Variants in RAB23 observed in about 807,000 individuals in gnomAD.
The protein encoded by RAB23 is RAB23, member RAS oncogene family.
In RAB23, 15 loss-of-function variants were observed where a neutral mutation model predicts 30.0. That is an observed-to-expected ratio of 0.50 (90% confidence interval 0.33 to 0.77). The LOEUF is 0.77. Among genes scored for constraint, RAB23 ranks in the 30% least tolerant of loss-of-function variants. RAB23 has a pLI of 0.02. For synonymous variants in RAB23, 93 were observed against 94.0 expected, an observed-to-expected ratio of 0.99 and a Z score of 0.06; for missense variants, 243 against 275.4, an observed-to-expected ratio of 0.88 and a Z score of 0.83.
At chr6:57,201,447 GAGA>G (rs78549202) in intron 3 of RAB23, among the ~76,000 whole-genome samples, 58,146 of 151,736 alleles carry the variant, frequency 0.38, 12,688 homozygotes, top group Non-Finnish European at 0.5. Flanking sequence ...TTTCTGAAGA[GAGA>G]AGGATACCAA....
At chr6:57,206,695 G>A (rs1375779844) in intron 3 of RAB23, among the ~76,000 whole-genome samples, 1 of 152,174 alleles carries the variant, frequency 6.6e-6, no homozygotes, top group Admixed American at 6.5e-5. Context: ...CAGCCTTTAA[G>A]TCTTGAGGAA....
intron 1 of RAB23, among the ~76,000 whole-genome samples, chr6:57,212,676 G>T (rs1765697356): frequency 6.7e-6 from 1 of 148,986 alleles, no homozygotes; most frequent in Non-Finnish European, 1.5e-5. Flanking sequence ...GAGGCCAGGG[G>T]TTCAAGACCA....
intron 1 of RAB23, among the ~76,000 whole-genome samples, chr6:57,211,734 T>C (rs532605312): frequency 4.7e-4 from 72 of 152,364 alleles, no homozygotes; most frequent in African/African-American, 1.7e-3. Context: ...TAAACCTTTA[T>C]AGTTACACAT....
At chr6:57,202,042 G>T (rs537669027) in intron 3 of RAB23, among the ~76,000 whole-genome samples, 4 of 152,120 alleles carry the variant, frequency 2.6e-5, no homozygotes, top group Non-Finnish European at 5.9e-5. Context: ...TCTTTTAAAT[G>T]AATTATAATA....
At chr6:57,192,165 T>C (rs1025858393) in intron 6 of RAB23, among the ~76,000 whole-genome samples, 5 of 152,196 alleles carry the variant, frequency 3.3e-5, no homozygotes, top group Non-Finnish European at 7.3e-5. Context: ...TCTGTGTTAA[T>C]ACTAGTAAGA....
rs948299839 is a variant in RAB23 at position 57,188,209 on chromosome 6, A to T, written c.*2252T>A. The T allele has an allele frequency of 3.9e-5, 6 of 152,200 alleles. No individual in the cohort carries two copies. The highest frequency in any genetic ancestry group is 1.4e-4 in the African/African-American group (6 of 41,464). 9.4% of individuals were successfully genotyped at this position (152,200 alleles called of 1,614,324 possible). ...TTGGAAAAAAAATGTCAATTTTTGA[A>T]GGCTTTAAGAATTGATTAAATTGAG... On this transcript the variant is annotated 3_prime_UTR_variant, in exon 7 of 7. Coordinates refer to ENST00000468148, the MANE Select transcript of RAB23 (RefSeq NM_016277.5).
chr6:57,221,439 C>G (rs1766056145), intron 1 of RAB23: 1 of 152,368 alleles, frequency 6.6e-6, no homozygotes, highest in South Asian at 2.1e-4. Flanking sequence ...CATTCATATT[C>G]CAGCACTCTA....
At chr6:57,219,044 C>T (rs1765954684) in intron 1 of RAB23, among the ~76,000 whole-genome samples, 1 of 152,110 alleles carries the variant, frequency 6.6e-6, no homozygotes. Context: ...TTAAAACTTT[C>T]TCTATTCACA....
At chr6:57,218,546 T>G (rs1477192150) in intron 1 of RAB23, among the ~76,000 whole-genome samples, 2 of 152,126 alleles carry the variant, frequency 1.3e-5, no homozygotes, top group African/African-American at 2.4e-5. Flanking sequence ...TGGGACTTCT[T>G]CAACCTGGTA....
At chr6:57,208,307 A>G (rs761382369) in intron 2 of RAB23, among the ~76,000 whole-genome samples, 5 of 151,950 alleles carry the variant, frequency 3.3e-5, no homozygotes, top group Non-Finnish European at 7.4e-5. Flanking sequence ...ACATCTTTCT[A>G]ATGGGTTCTG....
rs772574046 is a variant in RAB23 at position 57,221,844 on chromosome 6, G to C, written c.-184C>G. On this transcript the variant is annotated 5_prime_UTR_variant, in exon 1 of 7. Transcript: ENST00000468148. ...GCTCGGCGGTCCGAACCGGGGGATG[G>C]GGGAGCCGGGCCGGGAGGCCCCTGC... is the stretch of plus-strand genomic sequence containing the variant. The C allele has an allele frequency of 6.6e-6, 1 of 152,530 alleles. No individual in the cohort carries two copies. The highest frequency in any genetic ancestry group is 1.5e-5 in the Non-Finnish European group (1 of 68,298). The allele number at this position is 152,530 out of a possible 1,614,324, so 9.4% of individuals were successfully genotyped here.
chr6:57,221,410 G>C (rs980833205), intron 1 of RAB23: 15 of 152,260 alleles, frequency 9.9e-5, no homozygotes, highest in Non-Finnish European at 1.5e-4. Flanking sequence ...CAGTGTCAAT[G>C]GAACAGCACA....
Position 57,194,065 on chromosome 6 carries a change from TAAA to T in RAB23, c.482-134_482-132del. 6 of 1,355,530 alleles carry T rather than the reference TAAA, an allele frequency of 4.4e-6. No homozygotes were observed. In the South Asian group the frequency reaches 8.6e-5, roughly 19 times the overall value. The allele number at this position is 1,355,530 out of a possible 1,614,324, so 84.0% of individuals were successfully genotyped here. A position where few individuals can be genotyped will look rare whatever the true frequency, so the allele number is the denominator to read the frequency against. On this transcript the variant is annotated intron_variant, in intron 5 of 6. Coordinates refer to ENST00000468148, the MANE Select transcript of RAB23 (RefSeq NM_016277.5). ...TACAATTAGGAGCATACAATCTAGTTAAAAATTCAACTTTTAAAAATTATTTGG... is the reference window on the plus strand; with the variant it reads ...TACAATTAGGAGCATACAATCTAGTTAATTCAACTTTTAAAAATTATTTGG...
At chr6:57,198,378 G>A (rs1202833106) in intron 3 of RAB23, among the ~76,000 whole-genome samples, 1 of 152,108 alleles carries the variant, frequency 6.6e-6, no homozygotes. Flanking sequence ...GCTGGGTGTG[G>A]TGGCGGGTGC....
intron 3 of RAB23, among the ~76,000 whole-genome samples, chr6:57,204,290 C>T (rs1267232289): frequency 1.3e-5 from 2 of 152,150 alleles, no homozygotes; most frequent in Admixed American, 1.3e-4. Context: ...CTTCAAGAGA[C>T]ACATACTGGT....
intron 1 of RAB23, among the ~76,000 whole-genome samples, chr6:57,211,389 G>A (rs572366919): frequency 2.6e-5 from 4 of 152,224 alleles, no homozygotes; most frequent in Admixed American, 2.6e-4. Flanking sequence ...GAGCCCAAGG[G>A]TCTGAAGCTG....
intron 2 of RAB23, 31 bp downstream of exon 2, chr6:57,210,195 A>G: frequency 4.4e-6 from 7 of 1,605,634 alleles, no homozygotes; most frequent in Non-Finnish European, 6.0e-6. Context: ...CACAAATCAA[A>G]GCCAAAGGAA....
chr6:57,188,622 A>T lies in RAB23; in HGVS notation c.*1839T>A, dbSNP rs1278577653. The T allele has an allele frequency of 6.6e-6, 1 of 152,110 alleles. No individual in the cohort carries two copies. Among genetic ancestry groups the T allele is most frequent in the Non-Finnish European group, 1.5e-5 (1 of 68,014 alleles). 9.4% of individuals were successfully genotyped at this position (152,110 alleles called of 1,614,324 possible). ...TTGAAGAGAGTAGAAAAGATGACTC[A>T]TTAGCAGTATCCACTGTTTGTTAGG... On this transcript the variant is annotated 3_prime_UTR_variant, in exon 7 of 7. Transcript: ENST00000468148.
chr6:57,198,994 TAC>T (rs1178635814), intron 3 of RAB23, among the ~76,000 whole-genome samples: 1 of 152,196 alleles, frequency 6.6e-6, no homozygotes, highest in East Asian at 1.9e-4. Flanking sequence ...ACAGAATGGG[TAC>T]AGACCAGAGA....
Sources: allele counts gnomAD v4.1 joint callset (sites outside exome capture counted in the v4.1 genomes callset), GRCh38; gene constraint gnomAD v4.1.1; transcripts MANE v1.5; gene names NCBI Gene and HGNC (gene_info 2026-07-23, HGNC 2026-07-21).